RBM5: variants seen among roughly 807,000 people sequenced by gnomAD.
The protein encoded by RBM5 is RNA-binding protein 5.
RBM5 carries 15 observed loss-of-function variants against 124.6 expected under a neutral mutation model. That is an observed-to-expected ratio of 0.12 (90% confidence interval 0.08 to 0.19). The LOEUF is 0.19. Ranked by LOEUF, RBM5 falls within the 10% of genes least tolerant of loss-of-function variation. The pLI, the probability that RBM5 is intolerant of heterozygous loss-of-function variation, is 1.00. For synonymous variants in RBM5, 337 were observed against 361.2 expected, an observed-to-expected ratio of 0.93 and a Z score of 0.76; for missense variants, 580 against 1,026.5, an observed-to-expected ratio of 0.57 and a Z score of 5.94.
At chr3:50,107,387 C>A in intron 11 of RBM5, 95 bp from the exon 12 acceptor site, 1 of 1,022,250 alleles carries the variant, frequency 9.8e-7, no homozygotes, top group Non-Finnish European at 1.5e-6. Context: ...CATTTGAGAA[C>A]TGACAAAGGG....
intron 6 of RBM5, chr3:50,101,968 C>T (rs988572922): frequency 1.3e-5 from 2 of 152,120 alleles, no homozygotes; most frequent in South Asian, 4.1e-4. Flanking sequence ...TCAGCTTTTT[C>T]TCTCCTGGCC....
At chr3:50,092,275 C>A in intron 3 of RBM5, 67 bp downstream of exon 3, 3 of 1,520,744 alleles carry the variant, frequency 2.0e-6, no homozygotes, top group Non-Finnish European at 1.8e-6. Flanking sequence ...AAATAACAGC[C>A]AGGCAGCCAG....
chr3:50,093,601 C>T (rs1489370558), intron 3 of RBM5, 119 bp from the exon 4 acceptor site: 3 of 1,146,882 alleles, frequency 2.6e-6, no homozygotes, highest in Admixed American at 2.0e-5. Flanking sequence ...GTGAACATTA[C>T]CATGGAGTGC....
chr3:50,114,408 G>A (rs956528089), intron 20 of RBM5, 157 bp downstream of exon 20: 3 of 667,106 alleles, frequency 4.5e-6, no homozygotes, highest in East Asian at 6.2e-5. Flanking sequence ...ATTCCATGTC[G>A]GGGCTTTGTT....
In RBM5 at chr3:50,117,247, C is replaced by T. The variant is rs751354171; in HGVS notation, c.2193-3C>T. 1.2e-6 allele frequency: 2 copies of T among 1,614,048 alleles called. No individual in the cohort carries two copies. The highest frequency in any genetic ancestry group is 1.7e-5 in the Admixed American group (1 of 60,006). ...TAAGTAACTGTGTGTTTGCCACTGG[C>T]AGGAATTACGAGCAACCCACCAAAG... is the stretch of plus-strand genomic sequence containing the variant. On this transcript the variant is annotated splice_polypyrimidine_tract_variant and splice_region_variant and intron_variant, in intron 23 of 24. Transcript: ENST00000347869. This position sits in a 1 kb window ranked among gnomAD's most constrained non-coding sequence, Gnocchi z 4.2.
At chr3:50,113,597 T>C in intron 18 of RBM5, 53 bp downstream of exon 18, 1 of 1,528,184 alleles carries the variant, frequency 6.5e-7, no homozygotes, top group Non-Finnish European at 8.8e-7. Context: ...GAACTCTTAG[T>C]TTTGGGGTTG....
chr3:50,104,396 G>A, intron 8 of RBM5, 88 bp downstream of exon 8: 1 of 1,292,332 alleles, frequency 7.7e-7, no homozygotes, highest in Non-Finnish European at 1.1e-6. Context: ...CCACCACTTT[G>A]CAAGGCCAAG....
rs190757140 is a variant in RBM5, at chr3:50,118,376, G to A, written c.2368G>A (p.Ala790Thr). ...KGAGLGAKGS[A>T]YGLSGADSYK... ...AGCTGGCCTAGGAGCCAAAGGCAGC[G>A]CATATGGTTTGTCGGGCGCCGATTC... The change falls in exon 25 of 25, where the codon GCA becomes ACA. Residue 790 changes from alanine to threonine, a missense_variant. Ala to Thr is a moderately conservative substitution (Grantham distance 58). Coordinates refer to ENST00000347869, the MANE Select transcript of RBM5 (RefSeq NM_005778.4). 55 of 1,614,168 alleles carry A rather than the reference G, an allele frequency of 3.4e-5. No individual in the cohort carries two copies. Among genetic ancestry groups the A allele is most frequent in the Middle Eastern group, 1.6e-4 (1 of 6,062 alleles).
chr3:50,095,964 T>G (rs938745977), intron 4 of RBM5, among the ~76,000 whole-genome samples: 4 of 152,190 alleles, frequency 2.6e-5, no homozygotes, highest in Non-Finnish European at 5.9e-5. Flanking sequence ...AAATAAGCAT[T>G]GGATTCCCGT....
Position 50,117,538 on chromosome 3 carries a change from T to C in RBM5, c.2322+159T>C. On this transcript the variant is annotated intron_variant, in intron 24 of 24. Transcript: ENST00000347869. The surrounding 1 kb of genome is among the most constrained non-coding windows in gnomAD (Gnocchi z 4.2). ...GCTCACACCTGTAATCCCAGCACTTTGGGAGGCCGAGGAGGGTGGATTGCC... is the reference window on the plus strand; with the variant it reads ...GCTCACACCTGTAATCCCAGCACTTCGGGAGGCCGAGGAGGGTGGATTGCC... 9.5e-6 allele frequency: 10 copies of C among 1,058,050 alleles called. No individual in the cohort carries two copies. The highest frequency in any genetic ancestry group is 1.3e-5 in the Non-Finnish European group (10 of 753,362). The allele number at this position is 1,058,050 out of a possible 1,614,324, so 65.5% of individuals were successfully genotyped here.
In RBM5 at chr3:50,093,798, A is replaced by T; in HGVS notation, c.262A>T (p.Arg88Trp). The T allele has an allele frequency of 1.2e-6, 2 of 1,614,150 alleles. No homozygotes were observed. Among genetic ancestry groups the T allele is most frequent in the Non-Finnish European group, 1.7e-6 (2 of 1,179,994 alleles). The change falls in exon 4 of 25, where the codon AGG becomes TGG. Residue 88 changes from arginine to tryptophan, a missense_variant. Physicochemically the swap from Arg to Trp is moderately radical, Grantham distance 101. Transcript: ENST00000347869. The part of the protein sequence containing the change: ...SDGDYGEHDY[R>W]HDISDERESK... ...TGGTGACTATGGTGAGCACGACTATAGGCATGACATCAGTGACGAGAGGGA... is the reference window on the plus strand; with the variant it reads ...TGGTGACTATGGTGAGCACGACTATTGGCATGACATCAGTGACGAGAGGGA...
chr3:50,116,701 C>A, intron 22 of RBM5: 1 of 294,916 alleles, frequency 3.4e-6, no homozygotes, highest in Non-Finnish European at 6.6e-6. Context: ...GGAGGTATGC[C>A]TTTCCAAATG....
At chr3:50,107,431 A>G (rs1455718731) in intron 11 of RBM5, 51 bp from the exon 12 acceptor site, 55 of 1,425,938 alleles carry the variant, frequency 3.9e-5, no homozygotes, top group Non-Finnish European at 4.8e-5. Context: ...AGGGGCACTA[A>G]TTGTGGGAAT....
At position 50,115,511 on chromosome 3, in the gene RBM5, A is replaced by G. The variant is rs759118684; in HGVS notation, c.1923A>G (p.Leu641=). ...VERLESEEEK[L]ADWKKMACLL... is the part of the protein sequence containing the mutation. ...GACTTGAGAGTGAGGAAGAGAAGCT[A>G]GCTGACTGGAAGAAGATGGCCTGTC... The change falls in exon 21 of 25, where the codon CTA becomes CTG. Residue 641 remains leucine, a synonymous_variant. Coordinates refer to ENST00000347869, the MANE Select transcript of RBM5 (RefSeq NM_005778.4). 1.6e-5 allele frequency: 26 copies of G among 1,613,988 alleles called. No individual in the cohort carries two copies. In the Admixed American group the frequency reaches 2.5e-4, roughly 16 times the overall value.
intron 6 of RBM5, chr3:50,102,288 A>G (rs1224091881): frequency 1.3e-5 from 2 of 152,080 alleles, no homozygotes; most frequent in Non-Finnish European, 2.9e-5. Flanking sequence ...TTTTAAAGCT[A>G]AGTCCTTGTA....
At chr3:50,109,254 T>A (rs1160314961) in intron 14 of RBM5, among the ~76,000 whole-genome samples, 2 of 152,186 alleles carry the variant, frequency 1.3e-5, no homozygotes, top group Non-Finnish European at 2.9e-5. Flanking sequence ...TTTGTATTTT[T>A]AGTAGAGACG....
At chr3:50,113,590 C>T in intron 18 of RBM5, 46 bp downstream of exon 18, 1 of 1,549,132 alleles carries the variant, frequency 6.5e-7, no homozygotes, top group Non-Finnish European at 8.7e-7. Context: ...TTGGGCTGAA[C>T]TCTTAGTTTT....
chr3:50,100,216 G>A lies in RBM5; in HGVS notation c.409+165G>A, dbSNP rs1575312792. On this transcript the variant is annotated intron_variant, in intron 5 of 24. Coordinates refer to ENST00000347869, the MANE Select transcript of RBM5 (RefSeq NM_005778.4). This position sits in a 1 kb window ranked among gnomAD's most constrained non-coding sequence, Gnocchi z 5.1. ...TTTGAAAACCATGTTAGCATCTGAG[G>A]AACTTTTTTAAACTTTGTTTTAGGG... 5.1e-5 allele frequency: 35 copies of A among 689,234 alleles called. No individual in the cohort carries two copies. In the East Asian group the frequency reaches 9.9e-4, roughly 20 times the overall value. The allele number at this position is 689,234 out of a possible 1,614,324, so 42.7% of individuals were successfully genotyped here.
intron 4 of RBM5, among the ~76,000 whole-genome samples, chr3:50,094,609 T>G (rs2090772992): frequency 6.6e-6 from 1 of 152,172 alleles, no homozygotes. Context: ...TCTTTTTACT[T>G]CAGTAGCTGG....
Sources: gnomAD v4.1 joint callset for allele counts (sites outside exome capture counted in the v4.1 genomes callset) on GRCh38, gnomAD v4.1.1 for gene constraint, Gnocchi (gnomAD v3.1) non-coding constraint, MANE v1.5 for transcripts, NCBI Gene and HGNC (gene_info 2026-07-23, HGNC 2026-07-21) for gene names.